The following KLHL32 variants were observed in gnomAD, a reference collection of about 807,000 sequenced individuals.
KLHL32 encodes kelch like family member 32.
A neutral mutation model predicts 64.8 loss-of-function variants in KLHL32; 35 were observed. That is an observed-to-expected ratio of 0.54 (90% CI 0.41 to 0.72). The LOEUF (loss-of-function observed/expected upper bound fraction) is 0.72, where lower values mean the gene tolerates loss of function less well. Among genes scored for constraint, KLHL32 ranks in the 30% least tolerant of loss-of-function variants. The pLI, the probability that KLHL32 is intolerant of heterozygous loss-of-function variation, is 0.00. For synonymous variants in KLHL32, 259 were observed against 281.0 expected, an observed-to-expected ratio of 0.92 and a Z score of 0.78; for missense variants, 589 against 768.5, an observed-to-expected ratio of 0.77 and a Z score of 2.76.
chr6:97,063,592 G>A (rs1002388658), intron 4 of KLHL32, among the ~76,000 whole-genome samples: 4 of 152,190 alleles, frequency 2.6e-5, no homozygotes, highest in African/African-American at 7.2e-5. Context: ...AGAAAGGAGC[G>A]TGCTGAAGTA....
chr6:96,962,162 T>G (rs1773951537), intron 1 of KLHL32, among the ~76,000 whole-genome samples: 1 of 152,236 alleles, frequency 6.6e-6, no homozygotes, highest in South Asian at 2.1e-4. Flanking sequence ...ATATTTATTT[T>G]GTCTGTGTAA....
intron 4 of KLHL32, among the ~76,000 whole-genome samples, chr6:97,047,083 G>A (rs916936868): frequency 1.3e-5 from 2 of 152,196 alleles, no homozygotes; most frequent in Non-Finnish European, 2.9e-5. Flanking sequence ...AGATGTGTGC[G>A]TGTTCCTCCT....
intron 3 of KLHL32, among the ~76,000 whole-genome samples, chr6:96,998,467 C>A (rs934311400): frequency 6.6e-6 from 1 of 152,124 alleles, no homozygotes; most frequent in Non-Finnish European, 1.5e-5. Context: ...ACCCCAAGTC[C>A]TTTAATACAT....
intron 1 of KLHL32, among the ~76,000 whole-genome samples, chr6:96,953,020 T>C (rs1772820566): frequency 6.6e-6 from 1 of 152,120 alleles, no homozygotes; most frequent in South Asian, 2.1e-4. Flanking sequence ...ATAAAAACCC[T>C]AGCCTCTGAG....
intron 6 of KLHL32, among the ~76,000 whole-genome samples, chr6:97,106,653 A>C (rs571521999): frequency 1.3e-5 from 2 of 151,934 alleles, no homozygotes; most frequent in Non-Finnish European, 2.9e-5. Flanking sequence ...CTGAGACAGG[A>C]GAATCGCTTG....
intron 7 of KLHL32, 146 bp downstream of exon 7, chr6:97,114,655 C>A: frequency 2.2e-6 from 2 of 890,650 alleles, no homozygotes; most frequent in Non-Finnish European, 3.5e-6. Context: ...ATTTATTGAG[C>A]ACCTACTCTA....
At chr6:97,113,139 G>C (rs1797383712) in intron 6 of KLHL32, among the ~76,000 whole-genome samples, 4 of 152,044 alleles carry the variant, frequency 2.6e-5, no homozygotes, top group Non-Finnish European at 5.9e-5. Flanking sequence ...CTGTCTTCAA[G>C]GTAAAAGTTA....
At chr6:97,043,603 G>A (rs1785461131) in intron 4 of KLHL32, among the ~76,000 whole-genome samples, 1 of 151,962 alleles carries the variant, frequency 6.6e-6, no homozygotes, top group Admixed American at 6.6e-5. Context: ...TGGTTCATAT[G>A]GTAATTTTAT....
intron 3 of KLHL32, among the ~76,000 whole-genome samples, chr6:96,977,080 A>G (rs988411274): frequency 2.0e-5 from 3 of 152,184 alleles, no homozygotes; most frequent in African/African-American, 2.4e-5. Flanking sequence ...TTTCTTGAAG[A>G]TGAAAGTACA....
chr6:97,135,892 C>G (rs1413270867), intron 10 of KLHL32, among the ~76,000 whole-genome samples: 1 of 152,092 alleles, frequency 6.6e-6, no homozygotes, highest in African/African-American at 2.4e-5. Context: ...CACTTCTTTA[C>G]TACTTAAAGA....
rs200104020 is a variant in KLHL32, at chr6:97,064,683, A to G, written c.368A>G (p.Gln123Arg). 3 of 1,614,200 alleles carry G rather than the reference A, an allele frequency of 1.9e-6. No individual in the cohort carries two copies. In the African/African-American group the frequency reaches 4.0e-5, roughly 22 times the overall value. ...QDVLAAGSHL[Q>R]LLELLNLCSH... ...GTGCTAGCAGCGGGCAGTCACCTACAGCTGTTGGAGCTTCTCAATTTATGC... is the reference window on the plus strand; with the variant it reads ...GTGCTAGCAGCGGGCAGTCACCTACGGCTGTTGGAGCTTCTCAATTTATGC... The change falls in exon 5 of 11, where the codon CAG (glutamine) becomes CGG (arginine). Residue 123 changes from glutamine to arginine, a missense_variant. Around this residue, in one of 3 missense-constraint regions of KLHL32, gnomAD observed 191 missense variants for 223.3 expected, o/e 0.86. Transcript: ENST00000369261.
At chr6:96,910,939 A>G in the KLHL32 span, among the ~76,000 whole-genome samples, 1 of 152,240 alleles carries the variant, frequency 6.6e-6, no homozygotes, top group African/African-American at 2.4e-5. Flanking sequence ...TATATTCAGT[A>G]TATATCATAA....
the KLHL32 span, among the ~76,000 whole-genome samples, chr6:96,914,347 T>C: frequency 6.6e-6 from 1 of 152,252 alleles, no homozygotes; most frequent in African/African-American, 2.4e-5. Context: ...TCTGTACTGG[T>C]TAAGTCCTTG....
At chr6:97,025,193 T>C (rs1782545286) in intron 3 of KLHL32, 2 of 861,416 alleles carry the variant, frequency 2.3e-6, no homozygotes, top group Non-Finnish European at 2.8e-6. Context: ...CATGATTCTG[T>C]TTATCGTCTT....
chr6:97,116,758 C>G lies in KLHL32; in HGVS notation c.1354+2249C>G, dbSNP rs867901384. On this transcript the variant is annotated intron_variant, in intron 7 of 10. Coordinates refer to ENST00000369261, the MANE Select transcript of KLHL32 (RefSeq NM_052904.4). ...TCGTCCTGGTATCAAGCTGACTTCC[C>G]TTTCAATATGTGTCTATATGTTTCC... Among the ~76,000 whole-genome samples the G allele has an allele frequency of 9.8e-5, 15 of 152,312 alleles. 1 individual carries two copies. In the South Asian group the frequency reaches 2.7e-3, roughly 27 times the overall value.
intron 1 of KLHL32, among the ~76,000 whole-genome samples, chr6:96,933,207 G>A (rs1265643414): frequency 6.6e-6 from 1 of 152,124 alleles, no homozygotes; most frequent in Non-Finnish European, 1.5e-5. Flanking sequence ...GACCCAGTAA[G>A]GGATGAAATT....
At chr6:97,091,977 CTTTCT>C (rs200707610) in intron 6 of KLHL32, among the ~76,000 whole-genome samples, 3,939 of 133,168 alleles carry the variant, frequency 0.03, 65 homozygotes, top group Middle Eastern at 0.11. Flanking sequence ...AATTCTCTTT[CTTTCT>C]TTTTTTTTTT....
chr6:96,931,041 A>T (rs1415990799), intron 1 of KLHL32, among the ~76,000 whole-genome samples: 2 of 152,176 alleles, frequency 1.3e-5, no homozygotes, highest in Non-Finnish European at 2.9e-5. Context: ...CTTTCTTGAC[A>T]ACTAGAAGTT....
rs757613257 is a variant in KLHL32 at position 97,114,298 on chromosome 6, A to G, written c.1143A>G (p.Ile381Met). Residue 381 changes from isoleucine (I) to methionine (M), a missense_variant, in exon 7 of 11, where the codon ATA (isoleucine) becomes ATG (methionine). Transcript: ENST00000369261. ...CCCGCAGTAATTCCTGGGCAGAGAT[A>G]GCACCCATGAAAAACTGCCGGGAGC... Reference protein sequence around the residue: ...YDPRSNSWAEIAPMKNCREHF... With the variant: ...YDPRSNSWAEMAPMKNCREHF... The G allele has an allele frequency of 1.5e-5, 25 of 1,614,054 alleles. No individual in the cohort carries two copies. Among genetic ancestry groups the G allele is most frequent in the Non-Finnish European group, 2.1e-5 (25 of 1,180,030 alleles).
Sources: gnomAD v4.1 joint callset for allele counts (sites outside exome capture counted in the v4.1 genomes callset) on GRCh38, gnomAD v4.1.1 for gene constraint, gnomAD v4.1.1 regional missense constraint, MANE v1.5 for transcripts, NCBI Gene and HGNC (gene_info 2026-07-23, HGNC 2026-07-21) for gene names.